Variants in PPP2R1B observed in about 807,000 individuals in gnomAD.
PPP2R1B encodes serine/threonine-protein phosphatase 2A 65 kDa regulatory subunit A beta isoform.
A neutral mutation model predicts 72.7 loss-of-function variants in PPP2R1B; 58 were observed. That is an observed-to-expected ratio of 0.80 (90% CI 0.65 to 0.99). The LOEUF is 0.99. Ranked by LOEUF, PPP2R1B falls within the 50% of genes least tolerant of loss-of-function variation. The probability of loss-of-function intolerance (pLI) is 0.00; values close to 1 mark genes in which losing one functional copy is unlikely to be tolerated. For synonymous variants in PPP2R1B, 256 were observed against 264.6 expected (o/e 0.97, Z 0.32); for missense variants, 695 against 733.6 (o/e 0.95, Z 0.61).
At chr11:111,720,152 C>T in the PPP2R1B span, 2 of 815,124 alleles carry the variant, frequency 2.5e-6, no homozygotes, top group Non-Finnish European at 2.0e-6. Context: ...ATAGCAGACA[C>T]AGCCTGGCAG....
At chr11:111,690,404 T>G in the PPP2R1B span, among the ~76,000 whole-genome samples, 2 of 150,272 alleles carry the variant, frequency 1.3e-5, no homozygotes, top group Non-Finnish European at 3.0e-5. Flanking sequence ...CTAGGAGTTG[T>G]TTTTTTTTCC....
At chr11:111,751,070 C>T (rs1944890701) in intron 10 of PPP2R1B, among the ~76,000 whole-genome samples, 1 of 152,176 alleles carries the variant, frequency 6.6e-6, no homozygotes, top group African/African-American at 2.4e-5. Flanking sequence ...AACTCCTAGC[C>T]TCAAGTGATT....
chr11:111,753,084 T>C (rs912827740), intron 9 of PPP2R1B, among the ~76,000 whole-genome samples: 5 of 152,228 alleles, frequency 3.3e-5, no homozygotes, highest in African/African-American at 1.2e-4. Flanking sequence ...GCTTGCCATG[T>C]AGTAATTACT....
At chr11:111,723,145 C>A (rs1297663051), downstream of PPP2R1B, among the ~76,000 whole-genome samples, 1 of 152,130 alleles carries the variant, frequency 6.6e-6, no homozygotes, top group Non-Finnish European at 1.5e-5. Flanking sequence ...GTAGACCTAC[C>A]CTAATCAATC....
chr11:111,728,986 TTTTC>T (rs1305880832), intron 15 of PPP2R1B: 1 of 151,882 alleles, frequency 6.6e-6, no homozygotes, highest in African/African-American at 2.4e-5. Flanking sequence ...GACAAAGAGA[TTTTC>T]TTAAAGTTTC....
At chr11:111,699,207 G>A in the PPP2R1B span, among the ~76,000 whole-genome samples, 36,237 of 152,034 alleles carry the variant, frequency 0.24, 4,579 homozygotes, top group Middle Eastern at 0.31. Context: ...CACACTCCTG[G>A]ATACCAAAGG....
the PPP2R1B span, chr11:111,703,513 T>C: frequency 8.8e-7 from 1 of 1,134,794 alleles, no homozygotes. Context: ...TTAGCACATG[T>C]ATCTCCAGCG....
intron 2 of PPP2R1B, 85 bp downstream of exon 2, chr11:111,765,209 G>C: frequency 7.6e-7 from 1 of 1,312,372 alleles, no homozygotes; most frequent in Non-Finnish European, 1.1e-6. Context: ...ATTTTAATGT[G>C]GGTAATAAAC....
chr11:111,711,869 A>T, the PPP2R1B span, among the ~76,000 whole-genome samples: 1 of 152,230 alleles, frequency 6.6e-6, no homozygotes, highest in Non-Finnish European at 1.5e-5. Flanking sequence ...TCTGGGTATT[A>T]TATTTAAAGA....
the PPP2R1B span, among the ~76,000 whole-genome samples, chr11:111,699,009 T>C: frequency 1.3e-5 from 2 of 152,234 alleles, no homozygotes. Context: ...GTATAGTTTT[T>C]CTAGAAAATT....
chr11:111,721,772 AC>A, the PPP2R1B span: 1 of 1,377,796 alleles, frequency 7.3e-7, no homozygotes, highest in Non-Finnish European at 1.0e-6. Flanking sequence ...TCAGCTAAGA[AC>A]TGAGACGTTT....
rs1945046461 is a variant in PPP2R1B at position 111,754,966 on chromosome 11, T to C, written c.958+14A>G. 1.3e-6 allele frequency: 2 copies of C among 1,564,662 alleles called. No individual in the cohort carries two copies. The highest frequency in any genetic ancestry group is 2.2e-5 in the East Asian group (1 of 44,642). The stretch of plus-strand genomic sequence containing the variant: ...TGAATGACACATGTTCCAACATAAA[T>C]TGAACTCCTTAACCTTTTACTTTGT... On this transcript the variant is annotated intron_variant, in intron 7 of 14. Transcript: ENST00000527614.
intron 15 of PPP2R1B, among the ~76,000 whole-genome samples, chr11:111,731,977 A>G (rs1413896016): frequency 6.6e-6 from 1 of 152,130 alleles, no homozygotes; most frequent in African/African-American, 2.4e-5. Flanking sequence ...CTAGGCCCCA[A>G]CCCCGCACTC....
rs749687367 is a variant in PPP2R1B, at chr11:111,742,519, T to C, written c.1697+4A>G. 2 of 1,611,912 alleles carry C rather than the reference T, an allele frequency of 1.2e-6. No individual in the cohort carries two copies. Among genetic ancestry groups the C allele is most frequent in the South Asian group, 2.2e-5 (2 of 90,724 alleles). On this transcript the variant is annotated splice_donor_region_variant and intron_variant, in intron 13 of 14. Coordinates refer to ENST00000527614, the MANE Select transcript of PPP2R1B (RefSeq NM_002716.5). ...TAAAACAAGACTAAACACTAAAATC[T>C]TACTTGGTATCTAGAATTGGTCCAA...
At chr11:111,707,353 G>A in the PPP2R1B span, among the ~76,000 whole-genome samples, 5 of 152,182 alleles carry the variant, frequency 3.3e-5, no homozygotes, top group Admixed American at 1.3e-4. Context: ...CAAATTCCCC[G>A]GCATATCTCA....
chr11:111,766,355 C>T lies in PPP2R1B; in HGVS notation c.7G>A (p.Gly3Ser), dbSNP rs968208788. The change falls in exon 1 of 15, where the codon GGC (glycine) becomes AGC (serine). Residue 3 changes from glycine to serine, a missense_variant. Transcript: ENST00000527614. MA[G>S]ASELGTGPGA... ...GGGCCGGTCCCGAGCTCTGATGCGCCCGCCATGTTCTTTCTCCTCCTGCTG... is the reference window on the plus strand; with the variant it reads ...GGGCCGGTCCCGAGCTCTGATGCGCTCGCCATGTTCTTTCTCCTCCTGCTG... 6 of 1,567,808 alleles carry T rather than the reference C, an allele frequency of 3.8e-6. No homozygotes were observed. Among genetic ancestry groups the T allele is most frequent in the Non-Finnish European group, 5.2e-6 (6 of 1,161,940 alleles).
chr11:111,742,750 A>G, intron 12 of PPP2R1B, 85 bp from the exon 13 acceptor site: 1 of 1,251,310 alleles, frequency 8.0e-7, no homozygotes, highest in Non-Finnish European at 1.1e-6. Flanking sequence ...TAATAAGAAA[A>G]TAATTGACCA....
the PPP2R1B span, among the ~76,000 whole-genome samples, chr11:111,709,903 C>T: frequency 6.6e-6 from 1 of 152,334 alleles, no homozygotes; most frequent in Non-Finnish European, 1.5e-5. Flanking sequence ...TGGCACAGCA[C>T]CGTCTGGCCA....
the PPP2R1B span, among the ~76,000 whole-genome samples, chr11:111,712,667 T>G: frequency 2.0e-5 from 3 of 152,202 alleles, 1 homozygote; most frequent in South Asian, 6.2e-4. Context: ...TCCAGATCTC[T>G]CACAAGTGTT....
Sources: gnomAD v4.1 joint callset for allele counts (sites outside exome capture counted in the v4.1 genomes callset) on GRCh38, gnomAD v4.1.1 for gene constraint, MANE v1.5 for transcripts, NCBI Gene and HGNC (gene_info 2026-07-23, HGNC 2026-07-21) for gene names.